RBM19: variants seen among roughly 807,000 people sequenced by gnomAD.
The protein encoded by RBM19 is RNA binding motif protein 19.
In RBM19, 94 loss-of-function variants were observed where a neutral mutation model predicts 116.8. The observed-to-expected ratio is 0.80, with a 90% confidence interval of 0.68 to 0.95. The LOEUF (loss-of-function observed/expected upper bound fraction) is 0.95, where lower values mean the gene tolerates loss of function less well. RBM19 is among the 40% of genes least tolerant of loss of function. The pLI is 0.00. For synonymous variants in RBM19, 475 were observed against 494.1 expected, an observed-to-expected ratio of 0.96 and a Z score of 0.51; for missense variants, 1,161 against 1,220.7, an observed-to-expected ratio of 0.95 and a Z score of 0.73.
intron 14 of RBM19, among the ~76,000 whole-genome samples, chr12:113,941,592 TCCATCCATCCATCCATCCAA>T (rs1161929303): frequency 5.8e-5 from 8 of 138,222 alleles, no homozygotes; most frequent in Non-Finnish European, 9.9e-5. Context: ...CCACCATCCA[TCCATCCATCCATCCATCCAA>T]CCATCAAGCC....
intron 8 of RBM19, among the ~76,000 whole-genome samples, chr12:113,951,197 C>A (rs959398555): frequency 1.1e-4 from 17 of 152,126 alleles, no homozygotes; most frequent in African/African-American, 4.1e-4. Flanking sequence ...GCCCCTAAAG[C>A]TTAAGGGGCC....
At chr12:113,868,330 G>A (rs891934394) in intron 21 of RBM19, among the ~76,000 whole-genome samples, 1 of 152,194 alleles carries the variant, frequency 6.6e-6, no homozygotes, top group African/African-American at 2.4e-5. Context: ...AGCAACTGAA[G>A]GGGGAACCCT....
At chr12:113,872,390 A>C (rs1879292702) in intron 21 of RBM19, among the ~76,000 whole-genome samples, 1 of 136,508 alleles carries the variant, frequency 7.3e-6, no homozygotes, top group Non-Finnish European at 1.6e-5. Flanking sequence ...TCCGGGAGGG[A>C]GGTGGGGGGG....
intron 2 of RBM19, among the ~76,000 whole-genome samples, chr12:113,961,443 G>A (rs1285482039): frequency 1.3e-5 from 2 of 152,140 alleles, no homozygotes; most frequent in Non-Finnish European, 2.9e-5. Context: ...TAAAAAAGAT[G>A]TACTCCAATT....
At chr12:113,911,054 T>C (rs1303210855) in intron 21 of RBM19, among the ~76,000 whole-genome samples, 1 of 151,704 alleles carries the variant, frequency 6.6e-6, no homozygotes, top group Non-Finnish European at 1.5e-5. Context: ...GGGGTGGCGG[T>C]GGGGGGGGTG....
chr12:113,921,168 A>G (rs1868529005), intron 18 of RBM19, among the ~76,000 whole-genome samples: 1 of 152,192 alleles, frequency 6.6e-6, no homozygotes, highest in South Asian at 2.1e-4. Context: ...TAAAGTTTGG[A>G]TCATGTGGGC....
chr12:113,912,744 G>T (rs770877216), intron 21 of RBM19, among the ~76,000 whole-genome samples: 1 of 152,198 alleles, frequency 6.6e-6, no homozygotes, highest in African/African-American at 2.4e-5. Flanking sequence ...CATAGAACCT[G>T]CCTGCCCAAA....
At chr12:113,831,662 T>C (rs1875424287) in intron 23 of RBM19, among the ~76,000 whole-genome samples, 1 of 152,198 alleles carries the variant, frequency 6.6e-6, no homozygotes, top group African/African-American at 2.4e-5. Context: ...GAGTGAAATG[T>C]TTGCGGAACA....
intron 21 of RBM19, among the ~76,000 whole-genome samples, chr12:113,889,614 G>A (rs1880793872): frequency 6.6e-6 from 1 of 151,818 alleles, no homozygotes; most frequent in African/African-American, 2.4e-5. Flanking sequence ...CCACACATCT[G>A]CTTTCTAGTG....
chr12:113,868,391 A>C (rs74365249), intron 21 of RBM19, among the ~76,000 whole-genome samples: 10,070 of 152,300 alleles, frequency 0.066, 654 homozygotes, highest in East Asian at 0.34. Context: ...ATAAAAATAG[A>C]GTTTTAAAAA....
intron 22 of RBM19, among the ~76,000 whole-genome samples, chr12:113,855,463 G>A (rs1877818591): frequency 6.6e-6 from 1 of 152,220 alleles, no homozygotes; most frequent in Non-Finnish European, 1.5e-5. Flanking sequence ...TGGCTTAAGA[G>A]GTGGCCGATG....
chr12:113,879,994 C>T (rs1047020235), intron 21 of RBM19, among the ~76,000 whole-genome samples: 6 of 151,682 alleles, frequency 4.0e-5, no homozygotes, highest in East Asian at 1.9e-4. Context: ...GACAGCTCCC[C>T]GGGCAGCCCC....
At chr12:113,945,254 T>A (rs1870916110) in intron 13 of RBM19, among the ~76,000 whole-genome samples, 4 of 152,136 alleles carry the variant, frequency 2.6e-5, no homozygotes, top group Admixed American at 2.6e-4. Context: ...AGGAGCTGGA[T>A]GGATGGGGAA....
intron 23 of RBM19, among the ~76,000 whole-genome samples, chr12:113,834,396 C>T (rs1875697461): frequency 6.6e-6 from 1 of 152,132 alleles, no homozygotes. Context: ...AGTGGGGAGT[C>T]ACCATGGGAG....
At chr12:113,821,188 C>T (rs1004395823), downstream of RBM19, among the ~76,000 whole-genome samples, 7 of 152,156 alleles carry the variant, frequency 4.6e-5, no homozygotes, top group East Asian at 1.9e-4. Flanking sequence ...CTGCTCACCC[C>T]GCACCAAGCC....
chr12:113,897,493 G>T (rs1881416473), intron 21 of RBM19, among the ~76,000 whole-genome samples: 1 of 152,228 alleles, frequency 6.6e-6, no homozygotes, highest in South Asian at 2.1e-4. Context: ...TTGTCCAAGT[G>T]TGACAGCTGA....
rs762756827 is a variant in RBM19 at position 113,947,445 on chromosome 12, G to A, written c.1296C>T (p.His432=). The change falls in exon 11 of 24, where the codon CAC becomes CAT. Residue 432 remains histidine, a synonymous_variant. Transcript: ENST00000261741. ...TCTTGGTCAGGCTGTCGATGGGGTA[G>A]TGGAGCTCAGACAGGGGACCTGAGG... ...FSKYGPLSEL[H]YPIDSLTKKP... 1.9e-6 allele frequency: 3 copies of A among 1,606,250 alleles called. No individual in the cohort carries two copies. The highest frequency in any genetic ancestry group is 1.7e-5 in the Admixed American group (1 of 59,874).
At chr12:113,945,611 A>C (rs1416667874) in intron 13 of RBM19, among the ~76,000 whole-genome samples, 1 of 152,228 alleles carries the variant, frequency 6.6e-6, no homozygotes, top group Admixed American at 6.5e-5. Flanking sequence ...GTGGCTCCAC[A>C]TAAGGGCATG....
chr12:113,822,753 G>A lies in RBM19; in HGVS notation c.*471C>T, dbSNP rs1482146430. The A allele has an allele frequency of 6.3e-6, 1 of 159,932 alleles. No individual in the cohort carries two copies. Among genetic ancestry groups the A allele is most frequent in the Non-Finnish European group, 1.4e-5 (1 of 73,388 alleles). The allele number at this position is 159,932 out of a possible 1,614,324, so 9.9% of individuals were successfully genotyped here. A position where few individuals can be genotyped will look rare whatever the true frequency, so the allele number is the denominator to read the frequency against. ...TATGAAGTAAGAACTAGCTAGCAAG[G>A]GGAAGGCTGGGCCCAAGGAGATAAG... is the stretch of plus-strand genomic sequence containing the variant. On this transcript the variant is annotated 3_prime_UTR_variant, in exon 24 of 24. Coordinates refer to ENST00000261741, the MANE Select transcript of RBM19 (RefSeq NM_016196.4).
Sources: gnomAD v4.1 joint callset for allele counts (sites outside exome capture counted in the v4.1 genomes callset) on GRCh38, gnomAD v4.1.1 for gene constraint, MANE v1.5 for transcripts, NCBI Gene and HGNC (gene_info 2026-07-23, HGNC 2026-07-21) for gene names.